FILIP1L: variants seen among roughly 807,000 people sequenced by gnomAD.
The protein encoded by FILIP1L is filamin A-interacting protein 1-like.
In FILIP1L, 55 loss-of-function variants were observed where a neutral mutation model predicts 96.6. The ratio of observed to expected loss-of-function variants is 0.57; its 90% CI spans 0.46 to 0.71. The LOEUF (loss-of-function observed/expected upper bound fraction) is 0.71, where lower values mean the gene tolerates loss of function less well. Ranked by LOEUF, FILIP1L falls within the 30% of genes least tolerant of loss-of-function variation. The probability of loss-of-function intolerance (pLI) is 0.00; values close to 1 mark genes in which losing one functional copy is unlikely to be tolerated. For synonymous variants in FILIP1L, 467 were observed against 473.9 expected, an observed-to-expected ratio of 0.99 and a Z score of 0.19; for missense variants, 1,304 against 1,321.2, an observed-to-expected ratio of 0.99 and a Z score of 0.20.
chr3:99,994,195 A>T (rs1000582934), intron 1 of FILIP1L, among the ~76,000 whole-genome samples: 8 of 152,164 alleles, frequency 5.3e-5, no homozygotes, highest in Non-Finnish European at 1.0e-4. Context: ...TTCCTGGCTC[A>T]GTCTCAGTAG....
At chr3:99,857,324 G>A (rs1206199862) in intron 4 of FILIP1L, among the ~76,000 whole-genome samples, 4 of 152,314 alleles carry the variant, frequency 2.6e-5, no homozygotes, top group Middle Eastern at 3.4e-3. Flanking sequence ...AATCAACACT[G>A]TTGGAACAGG....
intron 1 of FILIP1L, among the ~76,000 whole-genome samples, chr3:99,952,353 AT>A (rs1325760777): frequency 1.3e-5 from 2 of 152,182 alleles, no homozygotes; most frequent in African/African-American, 4.8e-5. Context: ...CAATTCAAAC[AT>A]TTTCCTCAGC....
At chr3:99,955,740 T>C (rs1328635952) in intron 1 of FILIP1L, among the ~76,000 whole-genome samples, 2 of 152,104 alleles carry the variant, frequency 1.3e-5, no homozygotes, top group Admixed American at 1.3e-4. Flanking sequence ...TGATTTTACA[T>C]AGAGTATGGT....
intron 1 of FILIP1L, among the ~76,000 whole-genome samples, chr3:100,002,026 A>G (rs1709856698): frequency 6.6e-6 from 1 of 152,158 alleles, no homozygotes; most frequent in Non-Finnish European, 1.5e-5. Flanking sequence ...TGGAGATTCC[A>G]TCACAAATCT....
chr3:99,986,191 A>C (rs756007014), intron 1 of FILIP1L, among the ~76,000 whole-genome samples: 15 of 152,250 alleles, frequency 9.9e-5, no homozygotes, highest in Non-Finnish European at 2.1e-4. Flanking sequence ...TCAAATTATA[A>C]GATGTAAAGA....
intron 1 of FILIP1L, among the ~76,000 whole-genome samples, chr3:100,049,247 C>A (rs2065329866): frequency 6.6e-6 from 1 of 152,132 alleles, no homozygotes; most frequent in Non-Finnish European, 1.5e-5. Context: ...AAACTGTTCT[C>A]TTGTTTCATT....
chr3:100,104,389 A>G (rs1174615714), intron 1 of FILIP1L, among the ~76,000 whole-genome samples: 1 of 152,196 alleles, frequency 6.6e-6, no homozygotes, highest in Non-Finnish European at 1.5e-5. Flanking sequence ...TCTGAGCTAC[A>G]CTTTTTTTTA....
At chr3:99,963,720 A>G (rs1708562007) in intron 1 of FILIP1L, among the ~76,000 whole-genome samples, 2 of 151,840 alleles carry the variant, frequency 1.3e-5, no homozygotes, top group South Asian at 4.2e-4. Flanking sequence ...TGGTTCGAGC[A>G]ATTCTCCTGT....
chr3:99,849,643 T>C lies in FILIP1L; in HGVS notation c.2033A>G (p.Glu678Gly). ...DKAQFLSKEL[E>G]HVKMELAKYK... ...CTTAGCAAGTTCCATTTTAACATGT[T>C]CTAGCTCTTTAGATAAAAATTGAGC... is the stretch of plus-strand genomic sequence containing the variant. Residue 678 changes from glutamate (E) to glycine (G), a missense_variant, in exon 5 of 6, where the codon GAA becomes GGA. Physicochemically the swap from Glu to Gly is moderately conservative, Grantham distance 98 (BLOSUM62 -2). Coordinates refer to ENST00000477258, the MANE Select transcript of FILIP1L (RefSeq NM_001387850.1). The C allele has an allele frequency of 6.2e-7, 1 of 1,613,482 alleles. No homozygotes were observed. Among genetic ancestry groups the C allele is most frequent in the Non-Finnish European group, 8.5e-7 (1 of 1,179,988 alleles).
intron 1 of FILIP1L, among the ~76,000 whole-genome samples, chr3:100,107,276 C>T (rs1201672258): frequency 6.6e-6 from 1 of 152,086 alleles, no homozygotes. Flanking sequence ...GCTGAAAAAA[C>T]TAGGTTATTT....
In FILIP1L at chr3:99,957,693, C is replaced by CTTTTTTTTTTTTTTTTTTT. The variant is rs779350496; in HGVS notation, c.-10-26682_-10-26664dup. Among the ~76,000 whole-genome samples the CTTTTTTTTTTTTTTTTTTT allele has an allele frequency of 8.5e-3, 170 of 19,888 alleles. 39 individuals carry two copies. Among genetic ancestry groups the CTTTTTTTTTTTTTTTTTTT allele is most frequent in the Non-Finnish European group, 0.012 (106 of 8,942 alleles). The allele number at this position is 19,888 out of a possible 152,430, so 13.0% of individuals were successfully genotyped here. A position where few individuals can be genotyped will look rare whatever the true frequency, so the allele number is the denominator to read the frequency against. On this transcript the variant is annotated intron_variant, in intron 1 of 5. Transcript: ENST00000477258. ...TTCTCCTTTTCTCTTTTCTTTCTTT[C>CTTTTTTTTTTTTTTTTTTT]TTTTTTTTTTTTTTTTTTTTTTTTT...
intron 1 of FILIP1L, among the ~76,000 whole-genome samples, chr3:99,984,388 G>A (rs372704447): frequency 7.0e-4 from 106 of 152,310 alleles, no homozygotes; most frequent in Middle Eastern, 6.8e-3. Context: ...GATAGATAAT[G>A]ACAGAGCAGA....
chr3:99,890,876 T>C (rs181437265), intron 4 of FILIP1L, among the ~76,000 whole-genome samples: 2 of 152,276 alleles, frequency 1.3e-5, no homozygotes, highest in East Asian at 3.9e-4. Flanking sequence ...GATTTTTTTA[T>C]ATGAAGTCAC....
At chr3:100,065,791 T>C (rs1190781900) in intron 1 of FILIP1L, among the ~76,000 whole-genome samples, 3 of 152,218 alleles carry the variant, frequency 2.0e-5, no homozygotes, top group Non-Finnish European at 2.9e-5. Flanking sequence ...TAAAACGTTA[T>C]ATTTCAATAC....
At chr3:100,041,193 A>C (rs2065199545) in intron 1 of FILIP1L, 1 of 151,968 alleles carries the variant, frequency 6.6e-6, no homozygotes, top group African/African-American at 2.4e-5. Flanking sequence ...ACCCTAAATC[A>C]CCATTTTTCA....
intron 5 of FILIP1L, chr3:99,833,304 A>G (rs890295719): frequency 6.5e-7 from 1 of 1,531,442 alleles, no homozygotes; most frequent in East Asian, 2.2e-5. Flanking sequence ...TGTGGAATAT[A>G]TTAAATTCTA....
intron 4 of FILIP1L, among the ~76,000 whole-genome samples, chr3:99,858,427 T>TG (rs1944080697): frequency 6.6e-6 from 1 of 152,134 alleles, no homozygotes; most frequent in African/African-American, 2.4e-5. Flanking sequence ...ATCACACCAC[T>TG]GCACTCCAGC....
At chr3:100,032,033 T>C (rs2065030166) in intron 1 of FILIP1L, among the ~76,000 whole-genome samples, 1 of 152,202 alleles carries the variant, frequency 6.6e-6, no homozygotes, top group African/African-American at 2.4e-5. Context: ...AATGTAAAAA[T>C]TATGCTTTCA....
chr3:100,066,829 C>T (rs1273003990), intron 1 of FILIP1L, among the ~76,000 whole-genome samples: 2 of 152,120 alleles, frequency 1.3e-5, no homozygotes, highest in Non-Finnish European at 2.9e-5. Flanking sequence ...GCTTCTTAAA[C>T]CACCCAGGGA....
Sources: gnomAD v4.1 joint callset for allele counts (sites outside exome capture counted in the v4.1 genomes callset) on GRCh38, gnomAD v4.1.1 for gene constraint, MANE v1.5 for transcripts, NCBI Gene and HGNC (gene_info 2026-07-23, HGNC 2026-07-21) for gene names.